Variants in CDH13 observed in about 807,000 individuals in gnomAD.
CDH13 encodes cadherin 13, also known as cadherin-13.
A neutral mutation model predicts 63.8 loss-of-function variants in CDH13; 24 were observed. The ratio of observed to expected loss-of-function variants is 0.38; its 90% CI spans 0.27 to 0.53. The LOEUF (loss-of-function observed/expected upper bound fraction) is 0.53, where lower values mean the gene tolerates loss of function less well. Among genes scored for constraint, CDH13 ranks in the 20% least tolerant of loss-of-function variants. CDH13 has a pLI of 0.85. For missense variants in CDH13, 1,049 were observed against 903.1 expected, an observed-to-expected ratio of 1.16 and a Z score of -2.07; for synonymous variants, 503 against 355.3, an observed-to-expected ratio of 1.42 and a Z score of -4.67.
At chr16:83,788,999 C>T (rs462407) in intron 13 of CDH13, among the ~76,000 whole-genome samples, 63,972 of 152,122 alleles carry the variant, frequency 0.42, 14,334 homozygotes, top group Non-Finnish European at 0.51. Flanking sequence ...GTGTAAAAGG[C>T]ATAAGATTTT....
chr16:82,762,552 ACT>A (rs1001656483), intron 1 of CDH13, among the ~76,000 whole-genome samples: 2 of 151,736 alleles, frequency 1.3e-5, no homozygotes, highest in African/African-American at 2.4e-5. Context: ...TAGAAGCCAG[ACT>A]CTCAGCTTTG....
chr16:83,582,216 A>G (rs761105013), intron 7 of CDH13, among the ~76,000 whole-genome samples: 3 of 152,132 alleles, frequency 2.0e-5, no homozygotes, highest in Admixed American at 1.3e-4. Flanking sequence ...CTGCAGGGCA[A>G]TGCTGGGCTG....
intron 10 of CDH13, chr16:83,721,853 C>G (rs1022678881): frequency 6.6e-6 from 1 of 152,196 alleles, no homozygotes; most frequent in Non-Finnish European, 1.5e-5. Context: ...TAAGGAGAAG[C>G]TGATAATGCA....
At position 82,949,260 on chromosome 16, in the gene CDH13, C is replaced by T. The variant is rs79308575; in HGVS notation, c.158-82750C>T. 1.6e-3 allele frequency among the ~76,000 whole-genome samples: 238 copies of T among 152,248 alleles called. 5 individuals carry two copies. The East Asian group carries it at 0.043, about 28-fold the overall frequency. On this transcript the variant is annotated intron_variant, in intron 2 of 13. Transcript: ENST00000567109. Reference sequence around the variant, plus strand: ...TCACCTTTTTTAGGTTCTGGCAGCCCCAGGTGTTCCTTGGCTTGTAGCTGA... The same window carrying T: ...TCACCTTTTTTAGGTTCTGGCAGCCTCAGGTGTTCCTTGGCTTGTAGCTGA...
At chr16:83,109,815 C>T (rs1395410299) in intron 3 of CDH13, among the ~76,000 whole-genome samples, 2 of 152,218 alleles carry the variant, frequency 1.3e-5, no homozygotes, top group Non-Finnish European at 2.9e-5. Flanking sequence ...CCATTATATT[C>T]TCATCACCAT....
intron 4 of CDH13, among the ~76,000 whole-genome samples, chr16:83,144,140 A>G (rs985957546): frequency 6.6e-6 from 1 of 152,118 alleles, no homozygotes; most frequent in African/African-American, 2.4e-5. Context: ...TGCTTGGTCA[A>G]CGTGCCCCTT....
intron 3 of CDH13, among the ~76,000 whole-genome samples, chr16:83,077,723 C>T (rs1292886612): frequency 6.6e-6 from 1 of 152,106 alleles, no homozygotes; most frequent in Non-Finnish European, 1.5e-5. Context: ...CTTGGGTAGA[C>T]TCCTAGCAGT....
In CDH13 at chr16:82,644,993, G is replaced by C. The variant is rs538321274; in HGVS notation, c.45+17856G>C. ...AGAGAAGTGGACCAGATTGGGTTTT[G>C]TTTTTTCACAAATGAAAGTCTCTGA... On this transcript the variant is annotated intron_variant, in intron 1 of 13. Coordinates refer to ENST00000567109, the MANE Select transcript of CDH13 (RefSeq NM_001257.5). The surrounding 1 kb of genome is among the most constrained non-coding windows in gnomAD (Gnocchi z 5.7). Among the ~76,000 whole-genome samples the C allele has an allele frequency of 7.9e-5, 12 of 152,142 alleles. No homozygotes were observed. The East Asian group carries it at 2.1e-3, about 27-fold the overall frequency.
Position 83,188,642 on chromosome 16 carries a change from G to A in CDH13, c.484-28703G>A, listed in dbSNP as rs138885738. ...ACAGGCTGCCTCCCCTCCAAAGTCT[G>A]CAGGAAATTTAAGCCTCCTGGAATT... On this transcript the variant is annotated intron_variant, in intron 4 of 13. Transcript: ENST00000567109. Among the ~76,000 whole-genome samples, 56 of 152,232 alleles carry A rather than the reference G, an allele frequency of 3.7e-4. No homozygotes were observed. The East Asian group carries it at 0.01, about 28-fold the overall frequency.
At chr16:83,778,173 A>T (rs1185235135) in intron 11 of CDH13, among the ~76,000 whole-genome samples, 1 of 152,242 alleles carries the variant, frequency 6.6e-6, no homozygotes, top group African/African-American at 2.4e-5. Context: ...ATGATTAAAG[A>T]TGAACTCAGA....
chr16:83,473,857 T>TCAG (rs995332440), intron 6 of CDH13, among the ~76,000 whole-genome samples: 46 of 151,946 alleles, frequency 3.0e-4, no homozygotes, highest in African/African-American at 1.0e-3. Context: ...TCCCTGGGCC[T>TCAG]CAGCTTCCCT....
At chr16:83,548,946 T>C (rs563323896) in intron 7 of CDH13, among the ~76,000 whole-genome samples, 2 of 152,298 alleles carry the variant, frequency 1.3e-5, no homozygotes, top group African/African-American at 4.8e-5. Flanking sequence ...TTTGCCCCCT[T>C]GTGTGTCATT....
At chr16:83,168,539 G>A (rs950062028) in intron 4 of CDH13, among the ~76,000 whole-genome samples, 1 of 151,856 alleles carries the variant, frequency 6.6e-6, no homozygotes, top group Non-Finnish European at 1.5e-5. Flanking sequence ...GCCGACTCCA[G>A]TATTCCATTT....
chr16:83,017,803 C>A (rs1020641163), intron 2 of CDH13, among the ~76,000 whole-genome samples: 1 of 152,104 alleles, frequency 6.6e-6, no homozygotes, highest in African/African-American at 2.4e-5. Flanking sequence ...CGCTTTGATG[C>A]CACAGCCATT....
chr16:83,026,639 A>G (rs901992518), intron 2 of CDH13, among the ~76,000 whole-genome samples: 2 of 152,202 alleles, frequency 1.3e-5, no homozygotes, highest in African/African-American at 4.8e-5. Flanking sequence ...AGGGGAGTAG[A>G]TAATGAAAAA....
chr16:83,276,755 C>G (rs2089002110), intron 5 of CDH13, among the ~76,000 whole-genome samples: 1 of 152,150 alleles, frequency 6.6e-6, no homozygotes, highest in Non-Finnish European at 1.5e-5. Flanking sequence ...CCTGTAGCCA[C>G]AGCTACTCGG....
At chr16:83,297,655 C>G (rs577886115) in intron 5 of CDH13, among the ~76,000 whole-genome samples, 25 of 152,160 alleles carry the variant, frequency 1.6e-4, no homozygotes, top group African/African-American at 6.0e-4. Flanking sequence ...TATATGGAAA[C>G]TGACAAAGAC....
intron 3 of CDH13, among the ~76,000 whole-genome samples, chr16:83,061,822 C>G (rs1463004215): frequency 1.3e-5 from 2 of 152,172 alleles, no homozygotes. Flanking sequence ...AAAATTGAAA[C>G]GTAATTCAAC....
intron 3 of CDH13, among the ~76,000 whole-genome samples, chr16:83,037,364 C>T (rs190554153): frequency 6.6e-6 from 1 of 152,298 alleles, no homozygotes; most frequent in East Asian, 1.9e-4. Flanking sequence ...ACCCATTCTC[C>T]TTCCTGCCAC....
Sources: allele counts gnomAD v4.1 joint callset (sites outside exome capture counted in the v4.1 genomes callset), GRCh38; gene constraint gnomAD v4.1.1; non-coding constraint Gnocchi (gnomAD v3.1); transcripts MANE v1.5; gene names NCBI Gene and HGNC (gene_info 2026-07-23, HGNC 2026-07-21).